TTC9: variants seen among roughly 807,000 people sequenced by gnomAD.
TTC9 encodes tetratricopeptide repeat protein 9A.
TTC9 carries 13 observed loss-of-function variants against 22.9 expected under a neutral mutation model. The ratio of observed to expected loss-of-function variants is 0.57; its 90% CI spans 0.37 to 0.90. The LOEUF is 0.90. Ranked by LOEUF, TTC9 falls within the 40% of genes least tolerant of loss-of-function variation. TTC9 has a pLI of 0.01. For missense variants in TTC9, 280 were observed against 291.8 expected (o/e 0.96, Z 0.29); for synonymous variants, 148 against 133.2 (o/e 1.11, Z -0.77).
intron 1 of TTC9, among the ~76,000 whole-genome samples, chr14:70,643,875 G>A (rs774518133): frequency 5.9e-5 from 9 of 152,334 alleles, no homozygotes; most frequent in Admixed American, 2.0e-4. Flanking sequence ...TAATAGAGTA[G>A]TAGTAGCAGC....
At chr14:70,668,478 GCAAA>G (rs1238621699) in intron 2 of TTC9, among the ~76,000 whole-genome samples, 1 of 152,148 alleles carries the variant, frequency 6.6e-6, no homozygotes, top group Non-Finnish European at 1.5e-5. Context: ...CAGTAAACAA[GCAAA>G]CAAATAGTAA....
rs142076296 is a variant in TTC9 at position 70,673,701 on chromosome 14, T to G, written c.*2546T>G. 1 of 151,452 alleles carries G rather than the reference T, an allele frequency of 6.6e-6. No homozygotes were observed. The highest frequency in any genetic ancestry group is 2.4e-5 in the African/African-American group (1 of 41,224). 9.4% of individuals were successfully genotyped at this position (151,452 alleles called of 1,614,324 possible). A position where few individuals can be genotyped will look rare whatever the true frequency, so the allele number is the denominator to read the frequency against. ...GGAGAATGAGTTCAAACTGCCAGGG[T>G]CTTCCCTTGGTCTTTGTGCGTCAGG... On this transcript the variant is annotated 3_prime_UTR_variant, in exon 3 of 3. Coordinates refer to ENST00000256367, the MANE Select transcript of TTC9 (RefSeq NM_015351.2).
intron 1 of TTC9, among the ~76,000 whole-genome samples, chr14:70,650,128 A>G (rs565289165): frequency 3.6e-4 from 55 of 152,314 alleles, no homozygotes; most frequent in African/African-American, 1.3e-3. Context: ...CATTTCAGCC[A>G]TTAAAGAATA....
chr14:70,646,907 A>G (rs934670679), intron 1 of TTC9, among the ~76,000 whole-genome samples: 2 of 152,226 alleles, frequency 1.3e-5, no homozygotes, highest in African/African-American at 4.8e-5. Flanking sequence ...AGCCAGCCAC[A>G]TAATTTGCAG....
chr14:70,649,612 C>T (rs555328891), intron 1 of TTC9, among the ~76,000 whole-genome samples: 1 of 152,344 alleles, frequency 6.6e-6, no homozygotes, highest in South Asian at 2.1e-4. Flanking sequence ...CACCCTACCA[C>T]CTCCATCTTT....
At position 70,671,176 on chromosome 14, in the gene TTC9, T is replaced by C; in HGVS notation, c.*21T>C. The C allele has an allele frequency of 6.2e-7, 1 of 1,610,490 alleles. No homozygotes were observed. The highest frequency in any genetic ancestry group is 8.5e-7 in the Non-Finnish European group (1 of 1,177,548). ...TGTAACCAGGAAGCAGCTCCAGAGC[T>C]GCGCCCACGCCTGACCGGGGACTTC... On this transcript the variant is annotated 3_prime_UTR_variant, in exon 3 of 3. Transcript: ENST00000256367.
intron 1 of TTC9, among the ~76,000 whole-genome samples, chr14:70,643,059 C>G (rs1885848766): frequency 6.6e-6 from 1 of 152,246 alleles, no homozygotes; most frequent in Non-Finnish European, 1.5e-5. Flanking sequence ...TGACACCATG[C>G]CTTCAGCATC....
intron 1 of TTC9, among the ~76,000 whole-genome samples, chr14:70,655,620 C>T (rs1886053671): frequency 6.6e-6 from 1 of 152,164 alleles, no homozygotes; most frequent in Non-Finnish European, 1.5e-5. Flanking sequence ...GCTGGGGCCA[C>T]TGCAGGGACC....
At chr14:70,652,955 G>A (rs11626181) in intron 1 of TTC9, among the ~76,000 whole-genome samples, 1 of 152,026 alleles carries the variant, frequency 6.6e-6, no homozygotes, top group East Asian at 1.9e-4. Flanking sequence ...AAACCTGAGG[G>A]GTAATGTGGC....
rs1260786268 is a variant in TTC9, at chr14:70,672,526, T to C, written c.*1371T>C. On this transcript the variant is annotated 3_prime_UTR_variant, in exon 3 of 3. Coordinates refer to ENST00000256367, the MANE Select transcript of TTC9 (RefSeq NM_015351.2). ...CTCAGTCTTCAAGGAAATGGAAGGG[T>C]TAAGAAATGCATATGAGATTATTAC... 1 of 152,210 alleles carries C rather than the reference T, an allele frequency of 6.6e-6. No individual in the cohort carries two copies. Among genetic ancestry groups the C allele is most frequent in the African/African-American group, 2.4e-5 (1 of 41,448 alleles). The allele number at this position is 152,210 out of a possible 1,614,324, so 9.4% of individuals were successfully genotyped here.
Position 70,667,605 on chromosome 14 carries a change from A to C in TTC9, c.448A>C (p.Lys150Gln). The C allele has an allele frequency of 1.2e-6, 2 of 1,614,008 alleles. No individual in the cohort carries two copies. The highest frequency in any genetic ancestry group is 1.7e-6 in the Non-Finnish European group (2 of 1,179,890). The change falls in exon 2 of 3, where the codon AAG becomes CAG. Residue 150 changes from lysine (K) to glutamine (Q), a missense_variant. Lys to Gln is a moderately conservative substitution (Grantham distance 53, BLOSUM62 1). Around this residue, in one of 5 missense-constraint regions of TTC9, gnomAD observed 165 missense variants for 145.4 expected, o/e 1.14. Coordinates refer to ENST00000256367, the MANE Select transcript of TTC9 (RefSeq NM_015351.2). ...TGAGCTGGTAAACTATGAACGAGTC[A>C]AGGAATATTGCCTCAAAGTCTTGAA... Reference protein sequence around the residue: ...QAELVNYERVKEYCLKVLKKE... With the variant: ...QAELVNYERVQEYCLKVLKKE...
Position 70,667,714 on chromosome 14 carries a change from A to C in TTC9, c.557A>C (p.Tyr186Ser). 1 of 1,606,562 alleles carries C rather than the reference A, an allele frequency of 6.2e-7. No homozygotes were observed. The highest frequency in any genetic ancestry group is 8.5e-7 in the Non-Finnish European group (1 of 1,175,746). ...GGGGACTATGACAAAGCACTCTACTACCTGAAAGAAGCAAGGACCCAACAA... is the reference window on the plus strand; with the variant it reads ...GGGGACTATGACAAAGCACTCTACTCCCTGAAAGAAGCAAGGACCCAACAA... ...HLGDYDKALY[Y>S]LKEARTQQPT... The change falls in exon 2 of 3, where the codon TAC (tyrosine) becomes TCC (serine). Residue 186 changes from tyrosine to serine, a missense_variant. Around this residue, in one of 5 missense-constraint regions of TTC9, gnomAD observed 39 missense variants for 67.4 expected, o/e 0.58. Transcript: ENST00000256367.
At chr14:70,655,017 A>G (rs1886041326) in intron 1 of TTC9, among the ~76,000 whole-genome samples, 1 of 152,258 alleles carries the variant, frequency 6.6e-6, no homozygotes, top group Non-Finnish European at 1.5e-5. Context: ...CCTTATGTAC[A>G]AAGAAACCTT....
rs1325748217 is a variant in TTC9 at position 70,665,043 on chromosome 14, C to T, written c.407-2521C>T. On this transcript the variant is annotated intron_variant, in intron 1 of 2. Transcript: ENST00000256367. ...GGGAGGCTTCCCCATTTCCAGGCCTCTTTGCTTCCCCTGCCCCTGTCACCA... is the reference window on the plus strand; with the variant it reads ...GGGAGGCTTCCCCATTTCCAGGCCTTTTTGCTTCCCCTGCCCCTGTCACCA... Among the ~76,000 whole-genome samples, 6 of 152,216 alleles carry T rather than the reference C, an allele frequency of 3.9e-5. No homozygotes were observed. In the East Asian group the frequency reaches 1.2e-3, roughly 29 times the overall value.
intron 1 of TTC9, among the ~76,000 whole-genome samples, chr14:70,652,708 C>G (rs1050440200): frequency 1.3e-5 from 2 of 152,228 alleles, no homozygotes; most frequent in Non-Finnish European, 1.5e-5. Flanking sequence ...CCTGGGGATT[C>G]TGGGCTGGAT....
chr14:70,654,452 G>T (rs549162245), intron 1 of TTC9, among the ~76,000 whole-genome samples: 1 of 151,582 alleles, frequency 6.6e-6, no homozygotes, highest in Non-Finnish European at 1.5e-5. Flanking sequence ...TTAGCCGGGC[G>T]TGGCGGTATA....
chr14:70,656,205 C>T (rs530855211), intron 1 of TTC9, among the ~76,000 whole-genome samples: 1 of 96,206 alleles, frequency 1.0e-5, no homozygotes, highest in African/African-American at 4.1e-5. Context: ...AATTCTTCAC[C>T]CTGATACACA....
chr14:70,668,855 A>AC (rs958901585), intron 2 of TTC9, among the ~76,000 whole-genome samples: 2 of 149,902 alleles, frequency 1.3e-5, no homozygotes, highest in African/African-American at 4.9e-5. Context: ...TGTCTAAAAA[A>AC]AAAAAAAAAA....
chr14:70,668,529 G>GAA (rs1469301494), intron 2 of TTC9, among the ~76,000 whole-genome samples: 2 of 152,160 alleles, frequency 1.3e-5, no homozygotes, highest in African/African-American at 2.4e-5. Context: ...ACGCTGTGAA[G>GAA]AAAATAAAGC....
Sources: gnomAD v4.1 joint callset for allele counts (sites outside exome capture counted in the v4.1 genomes callset) on GRCh38, gnomAD v4.1.1 for gene constraint, gnomAD v4.1.1 regional missense constraint, MANE v1.5 for transcripts, NCBI Gene and HGNC (gene_info 2026-07-23, HGNC 2026-07-21) for gene names.